The following CROCC variants were observed in gnomAD, a reference collection of about 807,000 sequenced individuals.
CROCC encodes the protein ciliary rootlet coiled-coil, rootletin.
A neutral mutation model predicts 245.2 loss-of-function variants in CROCC; 180 were observed. The observed-to-expected ratio is 0.73, with a 90% CI of 0.65 to 0.83. The LOEUF is 0.83. Among genes scored for constraint, CROCC ranks in the 40% least tolerant of loss-of-function variants. The pLI is 0.00. For missense variants in CROCC, 2,688 were observed against 2,779.4 expected, an observed-to-expected ratio of 0.97 and a Z score of 0.74; for synonymous variants, 1,205 against 1,241.6, an observed-to-expected ratio of 0.97 and a Z score of 0.62.
chr1:16,971,110 C>T (rs1004813002), intron 35 of CROCC: 1 of 448,198 alleles, frequency 2.2e-6, no homozygotes, highest in South Asian at 5.0e-5. Context: ...CAGATGTTTT[C>T]ATGCATGGGG....
At chr1:16,918,988 C>T (rs1012377053), upstream of CROCC, among the ~76,000 whole-genome samples, 7 of 152,282 alleles carry the variant, frequency 4.6e-5, no homozygotes, top group African/African-American at 9.6e-5. Context: ...CGACCTGCCT[C>T]GGCATCCCAG....
In CROCC at chr1:16,969,851, C is replaced by G. The variant is rs753611652; in HGVS notation, c.5368C>G (p.Gln1790Glu). 1 of 1,612,730 alleles carries G rather than the reference C, an allele frequency of 6.2e-7. No individual in the cohort carries two copies. Among genetic ancestry groups the G allele is most frequent in the South Asian group, 1.1e-5 (1 of 90,918 alleles). ...ARKQSSSLGE[Q>E]VQTLRGEVAD... ...GAAGCAGAGCAGCTCCCTGGGCGAG[C>G]AGGTGCAGACGTTGCGAGGCGAGGT... Residue 1790 changes from glutamine (Q) to glutamate (E), a missense_variant, in exon 33 of 37, where the codon CAG becomes GAG. Physicochemically the swap from Gln to Glu is conservative, Grantham distance 29. This residue lies in a region of CROCC where 1,218 missense variants were observed against 1,286.3 expected (regional missense o/e 0.95). Transcript: ENST00000375541.
chr1:16,930,068 T>G (rs1217346035), intron 4 of CROCC, 37 bp downstream of exon 4: 2 of 1,568,014 alleles, frequency 1.3e-6, no homozygotes, highest in East Asian at 2.3e-5. Context: ...TCCTCCCACC[T>G]GTTCACTTTG....
chr1:16,964,139 T>A (rs12725839), intron 27 of CROCC, among the ~76,000 whole-genome samples: 34 of 142,990 alleles, frequency 2.4e-4, no homozygotes, highest in Non-Finnish European at 4.5e-4. Flanking sequence ...TTTTCTTTAT[T>A]TTTTTTTTTT....
chr1:16,936,037 C>A (rs1254144008), intron 8 of CROCC, among the ~76,000 whole-genome samples: 1 of 152,240 alleles, frequency 6.6e-6, no homozygotes, highest in Non-Finnish European at 1.5e-5. Flanking sequence ...ACCCCCAGAG[C>A]CCCTCCTTGT....
At chr1:16,972,086 C>G (rs1190734848) in intron 36 of CROCC, among the ~76,000 whole-genome samples, 1 of 152,232 alleles carries the variant, frequency 6.6e-6, no homozygotes, top group African/African-American at 2.4e-5. Context: ...GTCACATGTC[C>G]ACCCCTTGGG....
chr1:16,967,059 G>GA (rs55810091), intron 30 of CROCC, among the ~76,000 whole-genome samples: 55 of 150,148 alleles, frequency 3.7e-4, no homozygotes, highest in African/African-American at 1.3e-3. Context: ...AAAAAGAAAA[G>GA]AAAAAAAAAA....
At chr1:16,952,349 G>T (rs1474188553) in intron 20 of CROCC, among the ~76,000 whole-genome samples, 2 of 152,010 alleles carry the variant, frequency 1.3e-5, no homozygotes, top group Non-Finnish European at 2.9e-5. Context: ...GCTGGGCGTG[G>T]TGGCACGCGC....
chr1:16,970,862 A>C (rs983429790), intron 35 of CROCC, 95 bp downstream of exon 35: 2 of 1,385,062 alleles, frequency 1.4e-6, no homozygotes, highest in East Asian at 5.2e-5. Flanking sequence ...CCCAGGGCCC[A>C]TAACCCCCTC....
In CROCC at chr1:16,939,968, C is replaced by T. The variant is rs374771140; in HGVS notation, c.1683C>T (p.Ser561=). The T allele has an allele frequency of 1.0e-4, 168 of 1,612,400 alleles. No homozygotes were observed. The highest frequency in any genetic ancestry group is 1.3e-4 in the East Asian group (6 of 44,858). Residue 561 remains serine, a synonymous_variant, in exon 13 of 37, where the codon AGC becomes AGT. Coordinates refer to ENST00000375541, the MANE Select transcript of CROCC (RefSeq NM_014675.5). Reference sequence around the variant, plus strand: ...GGAAGCAGCTTAGCGACAGCGAGAGCGAGCGGCGGGCCCTAGAGGAACAGC... The same window carrying T: ...GGAAGCAGCTTAGCGACAGCGAGAGTGAGCGGCGGGCCCTAGAGGAACAGC... ...TLRKQLSDSE[S]ERRALEEQLQ...
rs564326621 is a variant in CROCC, at chr1:16,971,458, C to A, written c.5785-7C>A. ...GCCAGAACGCGGACCACAGCCCCTC[C>A]CTGCAGGCGCAGGTGGTGGTGCTGG... On this transcript the variant is annotated splice_region_variant and splice_polypyrimidine_tract_variant and intron_variant, in intron 35 of 36. Transcript: ENST00000375541. 1.5e-4 allele frequency: 237 copies of A among 1,531,738 alleles called. 2 individuals carry two copies. The South Asian group carries it at 2.7e-3, about 18-fold the overall frequency. The allele number at this position is 1,531,738 out of a possible 1,614,324, so 94.9% of individuals were successfully genotyped here. A position where few individuals can be genotyped will look rare whatever the true frequency, so the allele number is the denominator to read the frequency against.
intron 24 of CROCC, 94 bp downstream of exon 24, chr1:16,955,644 AT>A: frequency 8.8e-7 from 1 of 1,132,432 alleles, no homozygotes; most frequent in Non-Finnish European, 1.2e-6. Context: ...AATTGCCCAG[AT>A]ACGGATCCTC....
chr1:16,934,106 C>T (rs1299288923), intron 8 of CROCC, among the ~76,000 whole-genome samples: 5 of 152,244 alleles, frequency 3.3e-5, no homozygotes, highest in African/African-American at 7.2e-5. Flanking sequence ...CAGCAGGATG[C>T]CCCTATGCCA....
chr1:16,971,379 T>A (rs1346576290), intron 35 of CROCC, 86 bp from the exon 36 acceptor site: 1 of 1,443,594 alleles, frequency 6.9e-7, no homozygotes, highest in Non-Finnish European at 9.1e-7. Context: ...ACTGGCCGTG[T>A]CCCAGGGAGG....
chr1:16,922,205 G>C (rs2075423850), intron 1 of CROCC, 127 bp downstream of exon 1: 1 of 1,011,878 alleles, frequency 9.9e-7, no homozygotes, highest in Non-Finnish European at 1.4e-6. Context: ...GGGGTATACA[G>C]GGGCCCCCCG....
chr1:16,949,295 C>G (rs1383121730), intron 19 of CROCC, among the ~76,000 whole-genome samples: 3 of 152,198 alleles, frequency 2.0e-5, no homozygotes, highest in Admixed American at 6.5e-5. Flanking sequence ...CTCTTGGCCC[C>G]AGAATCCCAG....
At chr1:16,921,883 C>A, upstream of CROCC, 2 of 902,036 alleles carry the variant, frequency 2.2e-6, no homozygotes, top group South Asian at 3.3e-5. Flanking sequence ...CCGCGGTGGT[C>A]ACATGGGGGC....
intron 9 of CROCC, 72 bp downstream of exon 9, chr1:16,936,945 G>A: frequency 6.8e-7 from 1 of 1,461,066 alleles, no homozygotes; most frequent in Non-Finnish European, 9.4e-7. Context: ...TGGGGAGAAG[G>A]GAGCATCTGT....
chr1:16,919,605 G>A (rs2075361742), upstream of CROCC, among the ~76,000 whole-genome samples: 1 of 152,284 alleles, frequency 6.6e-6, no homozygotes, highest in South Asian at 2.1e-4. Context: ...CTCCTCGAGT[G>A]AGCAATTCCT....
Sources: gnomAD v4.1 joint callset for allele counts (sites outside exome capture counted in the v4.1 genomes callset) on GRCh38, gnomAD v4.1.1 for gene constraint, gnomAD v4.1.1 regional missense constraint, MANE v1.5 for transcripts, NCBI Gene and HGNC (gene_info 2026-07-23, HGNC 2026-07-21) for gene names.